MDM4: variants seen among roughly 807,000 people sequenced by gnomAD.
MDM4 encodes the protein protein Mdm4.
A neutral mutation model predicts 60.2 loss-of-function variants in MDM4; 2 were observed. That is an observed-to-expected ratio of 0.03 (90% confidence interval 0.01 to 0.10). MDM4 has a LOEUF of 0.10. Ranked by LOEUF, MDM4 falls within the 10% of genes least tolerant of loss-of-function variation. MDM4 has a pLI of 1.00. For missense variants in MDM4, 447 were observed against 577.5 expected (o/e 0.77, Z 2.32); for synonymous variants, 202 against 198.1 (o/e 1.02, Z -0.17).
intron 5 of MDM4, chr1:204,532,810 T>C (rs751769522): frequency 6.2e-7 from 1 of 1,611,714 alleles, no homozygotes; most frequent in South Asian, 1.1e-5. Context: ...CGCTCTAGAG[T>C]TGGCAGATTG....
chr1:204,527,173 C>G (rs552812570), intron 3 of MDM4, among the ~76,000 whole-genome samples: 5 of 150,210 alleles, frequency 3.3e-5, no homozygotes, highest in African/African-American at 7.3e-5. Flanking sequence ...GCATGGTGGT[C>G]TGCTCGTTTA....
chr1:204,540,482 G>C (rs1023670548), intron 7 of MDM4, among the ~76,000 whole-genome samples: 1 of 152,050 alleles, frequency 6.6e-6, no homozygotes, highest in South Asian at 2.1e-4. Context: ...CACTTTCTAG[G>C]CTGGGCATGG....
chr1:204,523,824 C>T (rs1340317337), intron 1 of MDM4, among the ~76,000 whole-genome samples: 1 of 152,164 alleles, frequency 6.6e-6, no homozygotes, highest in East Asian at 1.9e-4. Context: ...GGTGAGAGCA[C>T]ACCTGAACAA....
rs755494629 is a variant in MDM4 at position 204,542,901 on chromosome 1, A to G, written c.629A>G (p.Tyr210Cys). The change falls in exon 8 of 11, where the codon TAT (tyrosine) becomes TGT (cysteine). Residue 210 changes from tyrosine (Y) to cysteine (C), a missense_variant. By Grantham distance (194) the Tyr-to-Cys change is radical (BLOSUM62 -2). This residue lies in a region of MDM4 where 184 missense variants were observed against 179.3 expected (regional missense o/e 1.03). Coordinates refer to ENST00000367182, the MANE Select transcript of MDM4 (RefSeq NM_002393.5). Reference protein sequence around the residue: ...WWFLGNLRSNYTPRSNGSTDL... With the variant: ...WWFLGNLRSNCTPRSNGSTDL... ...TTTTTAGGAAACTTGAGAAGCAACT[A>G]TACACCTAGAAGTAATGGCTCAACT... is the stretch of plus-strand genomic sequence containing the variant. The G allele has an allele frequency of 1.9e-6, 3 of 1,614,040 alleles. No individual in the cohort carries two copies. Among genetic ancestry groups the G allele is most frequent in the South Asian group, 1.1e-5 (1 of 91,070 alleles).
Position 204,544,528 on chromosome 1 carries a change from C to T in MDM4, c.673-7C>T, listed in dbSNP as rs1165968402. The T allele has an allele frequency of 4.4e-6, 7 of 1,584,918 alleles. No homozygotes were observed. The highest frequency in any genetic ancestry group is 1.8e-5 in the Admixed American group (1 of 55,290). ...ACAGAAACTCATGTTTGTTTTTTTT[C>T]TGTTAGGATGTGGGTACTGCCATTG... On this transcript the variant is annotated splice_polypyrimidine_tract_variant and splice_region_variant and intron_variant, in intron 8 of 10. Transcript: ENST00000367182.
At chr1:204,519,948 G>A (rs1659393227) in intron 1 of MDM4, among the ~76,000 whole-genome samples, 1 of 152,110 alleles carries the variant, frequency 6.6e-6, no homozygotes, top group African/African-American at 2.4e-5. Context: ...CAAAGAAAGA[G>A]AAAAATATAA....
chr1:204,542,728 G>A (rs1021502867), intron 7 of MDM4, 56 bp from the exon 8 acceptor site: 102 of 1,307,472 alleles, frequency 7.8e-5, no homozygotes, highest in Non-Finnish European at 9.7e-5. Context: ...TCTAAAGATA[G>A]TCTTAGTTAT....
chr1:204,520,372 CTTTT>C (rs11290909), intron 1 of MDM4, among the ~76,000 whole-genome samples: 1 of 141,396 alleles, frequency 7.1e-6, no homozygotes, highest in Non-Finnish European at 1.5e-5. Flanking sequence ...AACATCCCTG[CTTTT>C]TTTTTTTTTT....
At chr1:204,518,029 G>T (rs1194636354) in intron 1 of MDM4, among the ~76,000 whole-genome samples, 3 of 152,124 alleles carry the variant, frequency 2.0e-5, no homozygotes, top group Non-Finnish European at 4.4e-5. Context: ...CATAGAGCGA[G>T]CTTCCAGTCC....
intron 4 of MDM4, 92 bp from the exon 5 acceptor site, chr1:204,532,099 A>G: frequency 3.9e-6 from 3 of 764,490 alleles, no homozygotes; most frequent in Non-Finnish European, 6.8e-6. Flanking sequence ...GGGAGATAAC[A>G]TCAGAAATAC....
At position 204,557,402 on chromosome 1, in the gene MDM4, A is replaced by C. The variant is rs1035762824; in HGVS notation, c.*7720A>C. 2 of 176,948 alleles carry C rather than the reference A, an allele frequency of 1.1e-5. No homozygotes were observed. Among genetic ancestry groups the C allele is most frequent in the African/African-American group, 2.4e-5 (1 of 41,310 alleles). 11.0% of individuals were successfully genotyped at this position (176,948 alleles called of 1,614,324 possible). On this transcript the variant is annotated 3_prime_UTR_variant, in exon 11 of 11. Coordinates refer to ENST00000367182, the MANE Select transcript of MDM4 (RefSeq NM_002393.5). ...CCACCTTGCTGTGGTCTTGATGTAC[A>C]AAAAAAAATTTTTTTTTTGAGACAG...
intron 5 of MDM4, chr1:204,532,841 AT>A: frequency 6.2e-7 from 1 of 1,609,040 alleles, no homozygotes; most frequent in Non-Finnish European, 8.5e-7. Flanking sequence ...ATTTTGTTTA[AT>A]GTGTTTCTTT....
At position 204,546,816 on chromosome 1, in the gene MDM4, A is replaced by G. The variant is rs1198437208; in HGVS notation, c.842A>G (p.Asn281Ser). Residue 281 changes from asparagine (N) to serine (S), a missense_variant, in exon 10 of 11, where the codon AAT becomes AGT. Asn to Ser is a conservative substitution (Grantham distance 46, BLOSUM62 1). Around this residue, in one of 8 missense-constraint regions of MDM4, gnomAD observed 184 missense variants for 179.3 expected, o/e 1.03. Transcript: ENST00000367182. Reference protein sequence around the residue: ...SDKKVIEVGKNDDLEDSKSLS... With the variant: ...SDKKVIEVGKSDDLEDSKSLS... ...TCACAGGTGATTGAAGTGGGAAAAAATGATGACCTGGAGGACTCTAAGTCC... is the reference window on the plus strand; with the variant it reads ...TCACAGGTGATTGAAGTGGGAAAAAGTGATGACCTGGAGGACTCTAAGTCC... 3 of 1,612,828 alleles carry G rather than the reference A, an allele frequency of 1.9e-6. No individual in the cohort carries two copies. The East Asian group carries it at 6.7e-5, about 36-fold the overall frequency.
intron 6 of MDM4, 60 bp downstream of exon 6, chr1:204,537,557 T>A: frequency 1.6e-6 from 2 of 1,227,094 alleles, no homozygotes; most frequent in Non-Finnish European, 2.4e-6. Flanking sequence ...TCTGTACCTA[T>A]GGATCTTGGA....
At chr1:204,523,503 C>CTTT (rs1558310755) in intron 1 of MDM4, among the ~76,000 whole-genome samples, 20 of 82,044 alleles carry the variant, frequency 2.4e-4, no homozygotes, top group South Asian at 5.2e-4. Flanking sequence ...TTTTTTTTTG[C>CTTT]GACAGGGTAT....
rs1184369867 is a variant in MDM4 at position 204,554,100 on chromosome 1, AT to A, written c.*4422del. 8.7e-6 allele frequency: 2 copies of A among 229,296 alleles called. No individual in the cohort carries two copies. Among genetic ancestry groups the A allele is most frequent in the Non-Finnish European group, 1.7e-5 (2 of 115,738 alleles). 14.2% of individuals were successfully genotyped at this position (229,296 alleles called of 1,614,324 possible). On this transcript the variant is annotated 3_prime_UTR_variant, in exon 11 of 11. Coordinates refer to ENST00000367182, the MANE Select transcript of MDM4 (RefSeq NM_002393.5). ...TTTAAGGGTCAAGGTCATTTGTAAC[AT>A]TTTGTGTGTGTCAATTCAATGCAAT...
rs190876924 is a variant in MDM4, at chr1:204,556,662, A to C, written c.*6980A>C. 74 of 208,332 alleles carry C rather than the reference A, an allele frequency of 3.6e-4. No homozygotes were observed. The East Asian group carries it at 4.7e-3, about 13-fold the overall frequency. 12.9% of individuals were successfully genotyped at this position (208,332 alleles called of 1,614,324 possible). On this transcript the variant is annotated 3_prime_UTR_variant, in exon 11 of 11. Transcript: ENST00000367182. Reference sequence around the variant, plus strand: ...AGTGAGCTGAGATGGCACCACTGCAATCCAAGGTGGGTGACAGAGACGCTG... The same window carrying C: ...AGTGAGCTGAGATGGCACCACTGCACTCCAAGGTGGGTGACAGAGACGCTG...
intron 1 of MDM4, among the ~76,000 whole-genome samples, chr1:204,523,473 A>ATTTTTTTTTTTTTTT (rs60954516): frequency 1.7e-5 from 1 of 58,950 alleles, no homozygotes; most frequent in African/African-American, 7.7e-5. Context: ...CCTAAAAAAA[A>ATTTTTTTTTTTTTTT]TTTTTTTTTT....
chr1:204,523,719 G>A (rs575884720), intron 1 of MDM4, among the ~76,000 whole-genome samples: 104 of 151,884 alleles, frequency 6.8e-4, no homozygotes, highest in African/African-American at 2.4e-3. Flanking sequence ...ATAAATTTTC[G>A]AAGCTGCAAA....
Sources: gnomAD v4.1 joint callset for allele counts (sites outside exome capture counted in the v4.1 genomes callset) on GRCh38, gnomAD v4.1.1 for gene constraint, gnomAD v4.1.1 regional missense constraint, MANE v1.5 for transcripts, NCBI Gene and HGNC (gene_info 2026-07-23, HGNC 2026-07-21) for gene names.